The following TTC3 variants were observed in gnomAD, a reference collection of about 807,000 sequenced individuals.
TTC3 encodes E3 ubiquitin-protein ligase TTC3.
A neutral mutation model predicts 249.6 loss-of-function variants in TTC3; 180 were observed. The ratio of observed to expected loss-of-function variants is 0.72; its 90% CI spans 0.64 to 0.82. The LOEUF (loss-of-function observed/expected upper bound fraction) is 0.82, where lower values mean the gene tolerates loss of function less well. Ranked by LOEUF, TTC3 falls within the 40% of genes least tolerant of loss-of-function variation. The pLI, the probability that TTC3 is intolerant of heterozygous loss-of-function variation, is 0.00. For missense variants in TTC3, 2,061 were observed against 2,398.4 expected, an observed-to-expected ratio of 0.86 and a Z score of 2.94; for synonymous variants, 717 against 805.0, an observed-to-expected ratio of 0.89 and a Z score of 1.85.
chr21:37,143,470 C>T (rs1342297927), intron 20 of TTC3, among the ~76,000 whole-genome samples: 8 of 152,214 alleles, frequency 5.3e-5, no homozygotes, highest in East Asian at 3.9e-4. Context: ...GACATTTATG[C>T]AGCCAACAGA....
chr21:37,176,626 C>CTT (rs752316684), intron 35 of TTC3, among the ~76,000 whole-genome samples: 17 of 152,182 alleles, frequency 1.1e-4, no homozygotes, highest in Admixed American at 2.0e-4. Context: ...TTTTTTAAAT[C>CTT]TATCATTTAT....
chr21:37,115,705 C>T (rs2076086081), intron 11 of TTC3, among the ~76,000 whole-genome samples: 2 of 152,214 alleles, frequency 1.3e-5, no homozygotes, highest in Admixed American at 6.5e-5. Flanking sequence ...GTTTCTCCAA[C>T]CTCACTGCTC....
chr21:37,141,128 T>C (rs2078405237), intron 20 of TTC3, among the ~76,000 whole-genome samples: 1 of 152,224 alleles, frequency 6.6e-6, no homozygotes, highest in Non-Finnish European at 1.5e-5. Flanking sequence ...AACTCTATTG[T>C]AGTTGTAATC....
exon 14 of TTC3, chr21:37,124,627 C>T (rs759306242): frequency 5.6e-6 from 9 of 1,611,348 alleles, no homozygotes; most frequent in Admixed American, 1.7e-5. Context: ...AGGGCCTACA[C>T]ACCTAGGAGT....
intron 41 of TTC3, 90 bp from the exon 42 acceptor site, chr21:37,195,585 T>G: frequency 6.7e-7 from 1 of 1,502,470 alleles, no homozygotes; most frequent in Non-Finnish European, 8.9e-7. Flanking sequence ...TGCGCTGCGT[T>G]ACTGTATTTA....
Position 37,073,493 on chromosome 21 carries a change from C to T in TTC3, c.-12+129C>T. 1 of 985,946 alleles carries T rather than the reference C, an allele frequency of 1.0e-6. No homozygotes were observed. The highest frequency in any genetic ancestry group is 1.2e-6 in the Non-Finnish European group (1 of 830,408). The allele number at this position is 985,946 out of a possible 1,614,324, so 61.1% of individuals were successfully genotyped here. ...TGTGTGGTGAGTGTGGGTGTGTGCG[C>T]GTCTCCTCGCGTCCCTCGCTGAGGT... On this transcript the variant is annotated intron_variant, in intron 1 of 45. Transcript: ENST00000355666.
chr21:37,107,137 T>C (rs1688066407), intron 10 of TTC3, among the ~76,000 whole-genome samples: 1 of 151,800 alleles, frequency 6.6e-6, no homozygotes, highest in East Asian at 1.9e-4. Flanking sequence ...GTATAAGTTA[T>C]CTAGTTTTGT....
At chr21:37,092,327 C>G (rs898239213) in intron 7 of TTC3, among the ~76,000 whole-genome samples, 1 of 152,158 alleles carries the variant, frequency 6.6e-6, no homozygotes, top group African/African-American at 2.4e-5. Flanking sequence ...ACATCTTTCT[C>G]ATAGGTTTAT....
chr21:37,154,162 A>G (rs747999351), intron 27 of TTC3, among the ~76,000 whole-genome samples: 5 of 152,214 alleles, frequency 3.3e-5, no homozygotes, highest in Admixed American at 6.5e-5. Context: ...GCCTAGCACA[A>G]TAGTTCATTC....
At chr21:37,184,462 T>C (rs2083045165) in intron 36 of TTC3, among the ~76,000 whole-genome samples, 1 of 147,776 alleles carries the variant, frequency 6.8e-6, no homozygotes, top group Non-Finnish European at 1.5e-5. Context: ...AGTTTTTTGC[T>C]TTTTTTTTTG....
chr21:37,108,489 C>A (rs1032136973), intron 11 of TTC3, 43 bp downstream of exon 11: 24 of 1,549,790 alleles, frequency 1.5e-5, no homozygotes, highest in Non-Finnish European at 1.9e-5. Context: ...TAATGCCATA[C>A]AACATTGTGA....
chr21:37,127,310 C>G (rs9981715), intron 15 of TTC3, among the ~76,000 whole-genome samples: 80,938 of 151,964 alleles, frequency 0.53, 22,186 homozygotes, highest in African/African-American at 0.64. Context: ...CAGACCATAA[C>G]AGTGCTGTAG....
intron 16 of TTC3, among the ~76,000 whole-genome samples, chr21:37,130,631 A>G (rs753009065): frequency 9.2e-5 from 14 of 152,156 alleles, no homozygotes; most frequent in Non-Finnish European, 1.6e-4. Flanking sequence ...GTCTTTTACA[A>G]AATATCTTGT....
At chr21:37,148,073 A>G (rs1293732384) in intron 22 of TTC3, among the ~76,000 whole-genome samples, 1 of 152,146 alleles carries the variant, frequency 6.6e-6, no homozygotes. Flanking sequence ...AACCAGAGCC[A>G]CTGATGTATA....
exon 33 of TTC3, chr21:37,165,666 G>T (rs1306620647): frequency 6.2e-7 from 1 of 1,613,984 alleles, no homozygotes; most frequent in South Asian, 1.1e-5. Context: ...AAAGCAGGAG[G>T]TTTAAAACCT....
intron 15 of TTC3, among the ~76,000 whole-genome samples, chr21:37,127,451 T>C (rs941125925): frequency 5.3e-5 from 8 of 152,200 alleles, no homozygotes; most frequent in Admixed American, 2.6e-4. Flanking sequence ...GAAGTGAATA[T>C]TTTTGTGCTT....
intron 35 of TTC3, among the ~76,000 whole-genome samples, chr21:37,174,113 TAA>T (rs3838091): frequency 0.016 from 2,415 of 152,338 alleles, 134 homozygotes; most frequent in Admixed American, 0.11. Context: ...CCTGGCTTTA[TAA>T]ATTGCTGGTC....
chr21:37,078,284 T>C (rs1035017671), intron 1 of TTC3, among the ~76,000 whole-genome samples: 23 of 152,226 alleles, frequency 1.5e-4, no homozygotes, highest in African/African-American at 5.3e-4. Context: ...GGGGAGGACT[T>C]GAATCTCACC....
chr21:37,179,546 C>T lies in TTC3; in HGVS notation c.4618-3228C>T, dbSNP rs73395159. On this transcript the variant is annotated intron_variant, in intron 35 of 45. Coordinates refer to ENST00000355666, the Ensembl canonical transcript of TTC3. ...AGCTAAGAAACCCGTCTACTTCAAG[C>T]GCACTGCTTACCCATTTAGGTCTGT... 8.7e-3 allele frequency among the ~76,000 whole-genome samples: 1,325 copies of T among 152,270 alleles called. 22 individuals are homozygous for T. Among genetic ancestry groups the T allele is most frequent in the African/African-American group, 0.03 (1,256 of 41,542 alleles).
Sources: allele counts gnomAD v4.1 joint callset (sites outside exome capture counted in the v4.1 genomes callset), GRCh38; gene constraint gnomAD v4.1.1; transcripts MANE v1.5; gene names NCBI Gene and HGNC (gene_info 2026-07-23, HGNC 2026-07-21).